Variants in SLCO1B3 observed in about 807,000 individuals in gnomAD.
The protein encoded by SLCO1B3 is solute carrier organic anion transporter family member 1B3.
Under a neutral mutation model 71.8 loss-of-function variants are expected in SLCO1B3, and 72 were observed. The observed-to-expected ratio is 1.00, with a 90% CI of 0.83 to 1.22. The LOEUF is 1.22. Among genes scored for constraint, SLCO1B3 ranks in the 50% most tolerant of loss-of-function variants. SLCO1B3 has a pLI of 0.00. For missense variants in SLCO1B3, 911 were observed against 819.7 expected (o/e 1.11, Z -1.36); for synonymous variants, 298 against 278.4 (o/e 1.07, Z -0.70).
intron 3 of SLCO1B3, among the ~76,000 whole-genome samples, chr12:20,822,359 G>C (rs1336831137): frequency 2.6e-5 from 4 of 152,100 alleles, no homozygotes; most frequent in Non-Finnish European, 5.9e-5. Context: ...AGTCAAAGGG[G>C]GTTGTTCTCT....
At chr12:20,853,044 A>T (rs1304538) in intron 3 of SLCO1B3, among the ~76,000 whole-genome samples, 110,082 of 151,948 alleles carry the variant, frequency 0.72, 42,451 homozygotes, top group South Asian at 0.9. Context: ...TCCTTCATTT[A>T]GTGAATGTGA....
intron 3 of SLCO1B3, among the ~76,000 whole-genome samples, chr12:20,850,438 C>T (rs1233902181): frequency 1.3e-5 from 2 of 151,840 alleles, no homozygotes; most frequent in Non-Finnish European, 2.9e-5. Context: ...CACCACCACT[C>T]CCGGCTAATT....
intron 3 of SLCO1B3, among the ~76,000 whole-genome samples, chr12:20,843,026 A>C (rs1309152342): frequency 2.6e-5 from 4 of 152,112 alleles, no homozygotes; most frequent in Non-Finnish European, 5.9e-5. Context: ...AACTGTGACA[A>C]GTAAATTTCT....
chr12:20,895,586 C>A (rs955449911), intron 13 of SLCO1B3, among the ~76,000 whole-genome samples: 1 of 152,062 alleles, frequency 6.6e-6, no homozygotes, highest in African/African-American at 2.4e-5. Context: ...CAGCTCTATC[C>A]CTGTGGCTTT....
intron 13 of SLCO1B3, among the ~76,000 whole-genome samples, chr12:20,891,959 C>A (rs2121341806): frequency 6.6e-6 from 1 of 151,670 alleles, no homozygotes; most frequent in African/African-American, 2.4e-5. Flanking sequence ...TTTTAACTTT[C>A]TTTTGGATCT....
chr12:20,850,124 G>GA (rs1276988058), intron 3 of SLCO1B3, among the ~76,000 whole-genome samples: 3 of 142,600 alleles, frequency 2.1e-5, no homozygotes, highest in South Asian at 2.3e-4. Flanking sequence ...AAATAATATT[G>GA]AAAAAATAAC....
chr12:20,853,563 C>T (rs1028452111), intron 3 of SLCO1B3, among the ~76,000 whole-genome samples: 1 of 151,954 alleles, frequency 6.6e-6, no homozygotes, highest in East Asian at 1.9e-4. Context: ...ATTTCTGAGA[C>T]AGCCGTTGTA....
At chr12:20,883,798 A>T (rs1001513578) in intron 13 of SLCO1B3, among the ~76,000 whole-genome samples, 196 bp downstream of exon 13, 1 of 151,834 alleles carries the variant, frequency 6.6e-6, no homozygotes, top group East Asian at 1.9e-4. Flanking sequence ...TCCATTGTCA[A>T]ATCTAGGCTC....
chr12:20,885,734 AAAG>A (rs930186399), intron 13 of SLCO1B3, among the ~76,000 whole-genome samples: 31 of 151,998 alleles, frequency 2.0e-4, no homozygotes, highest in Middle Eastern at 6.8e-3. Context: ...AGGTTAGAAA[AAAG>A]TGTGTGAGGA....
In SLCO1B3 at chr12:20,855,637, A is replaced by G. The variant is rs1266150775; in HGVS notation, c.226+468A>G. On this transcript the variant is annotated intron_variant, in intron 4 of 15. Transcript: ENST00000381545. Reference sequence around the variant, plus strand: ...ACTAGATTCTACTGTTTAACTGTGTACAACATTGGGGGTTTAAAGTCTTTT... The same window carrying G: ...ACTAGATTCTACTGTTTAACTGTGTGCAACATTGGGGGTTTAAAGTCTTTT... Among the ~76,000 whole-genome samples the G allele has an allele frequency of 2.1e-5, 3 of 141,886 alleles. No individual in the cohort carries two copies. In the East Asian group the frequency reaches 6.3e-4, roughly 30 times the overall value. 93.1% of individuals were successfully genotyped at this position (141,886 alleles called of 152,430 possible). A position where few individuals can be genotyped will look rare whatever the true frequency, so the allele number is the denominator to read the frequency against.
chr12:20,839,029 A>G (rs1442101910), intron 3 of SLCO1B3, among the ~76,000 whole-genome samples: 1 of 151,974 alleles, frequency 6.6e-6, no homozygotes, highest in Non-Finnish European at 1.5e-5. Flanking sequence ...TTTCAAGTTT[A>G]CTTTCAAATT....
intron 3 of SLCO1B3, among the ~76,000 whole-genome samples, chr12:20,848,237 G>A (rs1864955003): frequency 6.6e-6 from 1 of 152,110 alleles, no homozygotes; most frequent in South Asian, 2.1e-4. Flanking sequence ...ATGAAAACAT[G>A]TTCAACATAA....
intron 6 of SLCO1B3, 37 bp downstream of exon 6, chr12:20,861,175 T>A: frequency 6.6e-7 from 1 of 1,503,964 alleles, no homozygotes; most frequent in Admixed American, 2.3e-5. Context: ...AAATTCTAGA[T>A]TGATAGATTT....
chr12:20,832,659 T>A (rs746709607), intron 3 of SLCO1B3, among the ~76,000 whole-genome samples: 51 of 152,296 alleles, frequency 3.3e-4, no homozygotes, highest in Non-Finnish European at 6.5e-4. Flanking sequence ...TTTTTGCTGT[T>A]TCTCAAACAT....
chr12:20,881,712 C>T (rs374087001), intron 12 of SLCO1B3, among the ~76,000 whole-genome samples: 48 of 152,122 alleles, frequency 3.2e-4, no homozygotes, highest in African/African-American at 1.1e-3. Context: ...CTGTTTTTCC[C>T]AATATCCTGG....
At chr12:20,880,031 A>G (rs927981847) in intron 11 of SLCO1B3, among the ~76,000 whole-genome samples, 1 of 151,956 alleles carries the variant, frequency 6.6e-6, no homozygotes, top group Non-Finnish European at 1.5e-5. Flanking sequence ...TGTATTTTCT[A>G]AATTATCAAT....
intron 3 of SLCO1B3, among the ~76,000 whole-genome samples, chr12:20,822,566 C>T (rs1040052076): frequency 2.0e-5 from 3 of 152,098 alleles, no homozygotes; most frequent in African/African-American, 7.2e-5. Context: ...TCGGCGTATA[C>T]GTGCAAGTCA....
At chr12:20,811,948 C>T (rs1864117383) in intron 1 of SLCO1B3, among the ~76,000 whole-genome samples, 1 of 136,644 alleles carries the variant, frequency 7.3e-6, no homozygotes, top group Non-Finnish European at 1.6e-5. Context: ...GCTCTTGTTG[C>T]CCAGGCTGGA....
intron 15 of SLCO1B3, among the ~76,000 whole-genome samples, chr12:20,905,178 G>A (rs1173953043): frequency 1.3e-5 from 2 of 152,092 alleles, no homozygotes; most frequent in African/African-American, 4.8e-5. Flanking sequence ...GGGAAATAAG[G>A]TGTCATCTCC....
Sources: allele counts gnomAD v4.1 joint callset (sites outside exome capture counted in the v4.1 genomes callset), GRCh38; gene constraint gnomAD v4.1.1; transcripts MANE v1.5; gene names NCBI Gene and HGNC (gene_info 2026-07-23, HGNC 2026-07-21).